Variants in BAIAP2L1 observed in about 807,000 individuals in gnomAD.
BAIAP2L1 encodes the protein BAR/IMD domain-containing adapter protein 2-like 1.
A neutral mutation model predicts 66.3 loss-of-function variants in BAIAP2L1; 35 were observed. The observed-to-expected ratio is 0.53, with a 90% CI of 0.40 to 0.70. The LOEUF (loss-of-function observed/expected upper bound fraction) is 0.70, where lower values mean the gene tolerates loss of function less well. BAIAP2L1 is among the 30% of genes least tolerant of loss of function. The pLI, the probability that BAIAP2L1 is intolerant of heterozygous loss-of-function variation, is 0.00. For synonymous variants in BAIAP2L1, 269 were observed against 248.7 expected, an observed-to-expected ratio of 1.08 and a Z score of -0.77; for missense variants, 622 against 656.9, an observed-to-expected ratio of 0.95 and a Z score of 0.58.
At chr7:98,393,786 A>G (rs1010889530) in intron 1 of BAIAP2L1, among the ~76,000 whole-genome samples, 2 of 140,418 alleles carry the variant, frequency 1.4e-5, no homozygotes, top group Admixed American at 1.4e-4. Context: ...CGCCTGGTTT[A>G]TGTAACTTTT....
rs1277634396 is a variant in BAIAP2L1, at chr7:98,304,251, G to A, written c.1367C>T (p.Ala456Val). 6.2e-7 allele frequency: 1 copy of A among 1,613,458 alleles called. No homozygotes were observed. Among genetic ancestry groups the A allele is most frequent in the South Asian group, 1.1e-5 (1 of 90,936 alleles). Residue 456 changes from alanine (A) to valine (V), a missense_variant, in exon 12 of 14, where the codon GCC (alanine) becomes GTC (valine). Physicochemically the swap from Ala to Val is moderately conservative, Grantham distance 64. Coordinates refer to ENST00000005260, the MANE Select transcript of BAIAP2L1 (RefSeq NM_018842.5). ...GAAADRRADSARTTSTFKAPA... is the reference protein window; with the variant it reads ...GAAADRRADSVRTTSTFKAPA... ...GGCCTTAAAGGTGGATGTCGTCCTGGCCGAATCTGCTCTCCTGTCGGCAGC... is the reference window on the plus strand; with the variant it reads ...GGCCTTAAAGGTGGATGTCGTCCTGACCGAATCTGCTCTCCTGTCGGCAGC...
intron 1 of BAIAP2L1, among the ~76,000 whole-genome samples, chr7:98,387,011 CCTTAAAGACTGT>C: frequency 6.6e-6 from 1 of 152,158 alleles, no homozygotes; most frequent in South Asian, 2.1e-4. Flanking sequence ...CCAAAGACTT[CCTTAAAGACTGT>C]ACATCGCCTT....
At chr7:98,385,908 C>T in intron 1 of BAIAP2L1, 1 of 1,406,148 alleles carries the variant, frequency 7.1e-7, no homozygotes, top group Non-Finnish European at 9.9e-7. Context: ...GCTCCATGAG[C>T]TTTCCCAATT....
At chr7:98,400,579 G>C (rs939850907) in intron 1 of BAIAP2L1, among the ~76,000 whole-genome samples, 5 of 122,228 alleles carry the variant, frequency 4.1e-5, no homozygotes, top group African/African-American at 1.6e-4. Flanking sequence ...AGGAGGAAAA[G>C]TAGGGGGGAG....
At chr7:98,337,154 G>A (rs933597218) in intron 3 of BAIAP2L1, among the ~76,000 whole-genome samples, 2 of 152,298 alleles carry the variant, frequency 1.3e-5, no homozygotes, top group Admixed American at 6.5e-5. Context: ...GGCAGCGCAC[G>A]TGGGAAGTGC....
At chr7:98,400,455 G>T in intron 1 of BAIAP2L1, 1 of 323,802 alleles carries the variant, frequency 3.1e-6, no homozygotes, top group Non-Finnish European at 5.5e-6. Context: ...GAGGGACAGT[G>T]TCGAGGGGCA....
At chr7:98,312,987 G>A (rs1800925943) in intron 7 of BAIAP2L1, among the ~76,000 whole-genome samples, 1 of 152,180 alleles carries the variant, frequency 6.6e-6, no homozygotes. Context: ...AGGGGAGGCA[G>A]GAGCCTGTCC....
intron 2 of BAIAP2L1, among the ~76,000 whole-genome samples, chr7:98,355,867 T>C (rs1371748111): frequency 1.3e-5 from 2 of 152,206 alleles, no homozygotes; most frequent in Non-Finnish European, 2.9e-5. Flanking sequence ...GGTCCTTTGA[T>C]GGCAGTGCTT....
intron 3 of BAIAP2L1, among the ~76,000 whole-genome samples, chr7:98,330,225 A>AT (rs1801463437): frequency 6.6e-6 from 1 of 152,218 alleles, no homozygotes; most frequent in Non-Finnish European, 1.5e-5. Context: ...AACCACCACC[A>AT]TGACTAATAT....
At chr7:98,396,123 G>A (rs577215445) in intron 1 of BAIAP2L1, among the ~76,000 whole-genome samples, 1 of 152,238 alleles carries the variant, frequency 6.6e-6, no homozygotes, top group South Asian at 2.1e-4. Flanking sequence ...CCAGGCCAGA[G>A]TACAGTGGCA....
At chr7:98,322,669 C>T (rs1285720456) in intron 3 of BAIAP2L1, among the ~76,000 whole-genome samples, 2 of 152,164 alleles carry the variant, frequency 1.3e-5, no homozygotes, top group African/African-American at 2.4e-5. Flanking sequence ...CATCCACCCC[C>T]AGCACTCACG....
At chr7:98,395,899 G>A (rs1803196068) in intron 1 of BAIAP2L1, among the ~76,000 whole-genome samples, 1 of 152,104 alleles carries the variant, frequency 6.6e-6, no homozygotes, top group Admixed American at 6.6e-5. Context: ...GCATGGCGGT[G>A]CATGTGGTCC....
rs894225847 is a variant in BAIAP2L1 at position 98,312,094 on chromosome 7, T to C, written c.807+3A>G. 5.7e-6 allele frequency: 9 copies of C among 1,591,390 alleles called. No homozygotes were observed. Among genetic ancestry groups the C allele is most frequent in the Non-Finnish European group, 6.8e-6 (8 of 1,170,930 alleles). ...AAATCTGGAAGAGAAAACTGGCTCCTACCACATTGCTTCTCTCGATCATGG... is the reference window on the plus strand; with the variant it reads ...AAATCTGGAAGAGAAAACTGGCTCCCACCACATTGCTTCTCTCGATCATGG... On this transcript the variant is annotated splice_donor_region_variant and intron_variant, in intron 8 of 13. Coordinates refer to ENST00000005260, the MANE Select transcript of BAIAP2L1 (RefSeq NM_018842.5).
intron 3 of BAIAP2L1, among the ~76,000 whole-genome samples, chr7:98,353,427 A>T (rs950116950): frequency 7.3e-6 from 1 of 137,178 alleles, no homozygotes; most frequent in African/African-American, 2.7e-5. Context: ...AAATATATTT[A>T]TATTATATAT....
At chr7:98,369,659 C>T (rs1802463843) in intron 1 of BAIAP2L1, among the ~76,000 whole-genome samples, 1 of 135,848 alleles carries the variant, frequency 7.4e-6, no homozygotes, top group Non-Finnish European at 1.5e-5. Flanking sequence ...CATTTGATTT[C>T]CTAATTTTTT....
intron 1 of BAIAP2L1, among the ~76,000 whole-genome samples, chr7:98,366,974 C>T (rs1802401027): frequency 1.3e-5 from 2 of 152,110 alleles, no homozygotes. Context: ...ACACTGTAGC[C>T]CCAAACTCTT....
chr7:98,304,865 AT>A (rs11423233), intron 11 of BAIAP2L1, among the ~76,000 whole-genome samples: 1,566 of 136,284 alleles, frequency 0.011, 21 homozygotes, highest in African/African-American at 0.035. Flanking sequence ...CTCACAAGAA[AT>A]TTTTTTTTTT....
intron 6 of BAIAP2L1, among the ~76,000 whole-genome samples, chr7:98,315,890 C>A (rs1405482845): frequency 6.6e-6 from 1 of 152,164 alleles, no homozygotes; most frequent in African/African-American, 2.4e-5. Context: ...GAGATATGAT[C>A]GTGTCCTACT....
chr7:98,383,958 A>C (rs1190569668), intron 1 of BAIAP2L1, among the ~76,000 whole-genome samples: 2 of 151,996 alleles, frequency 1.3e-5, no homozygotes, highest in African/African-American at 4.8e-5. Flanking sequence ...GTTTGAGACC[A>C]GCCTGGCCAA....
Sources: gnomAD v4.1 joint callset for allele counts (sites outside exome capture counted in the v4.1 genomes callset) on GRCh38, gnomAD v4.1.1 for gene constraint, MANE v1.5 for transcripts, NCBI Gene and HGNC (gene_info 2026-07-23, HGNC 2026-07-21) for gene names.